ESRRG: variants seen among roughly 807,000 people sequenced by gnomAD.
ESRRG encodes estrogen related receptor gamma, also known as estrogen-related receptor gamma.
ESRRG carries 13 observed loss-of-function variants against 44.0 expected under a neutral mutation model. That is an observed-to-expected ratio of 0.30 (90% CI 0.19 to 0.47). The LOEUF is 0.47. Ranked by LOEUF, ESRRG falls within the 20% of genes least tolerant of loss-of-function variation. The probability of loss-of-function intolerance (pLI) is 1.00; values close to 1 mark genes in which losing one functional copy is unlikely to be tolerated. For synonymous variants in ESRRG, 215 were observed against 214.6 expected (o/e 1.00, Z -0.02); for missense variants, 395 against 580.6 (o/e 0.68, Z 3.29).
intron 1 of ESRRG, among the ~76,000 whole-genome samples, chr1:217,101,149 T>C (rs1481370439): frequency 2.0e-5 from 3 of 152,198 alleles, no homozygotes; most frequent in Non-Finnish European, 4.4e-5. Context: ...CCTCATGACT[T>C]CAACTTTTTC....
At chr1:217,049,965 T>C (rs1313960207) in intron 1 of ESRRG, among the ~76,000 whole-genome samples, 1 of 152,160 alleles carries the variant, frequency 6.6e-6, no homozygotes, top group East Asian at 1.9e-4. Context: ...ATAAGCAAAA[T>C]AAGTACATCT....
chr1:216,554,191 A>T (rs898650291), intron 5 of ESRRG, among the ~76,000 whole-genome samples: 7 of 152,006 alleles, frequency 4.6e-5, no homozygotes, highest in African/African-American at 1.7e-4. Flanking sequence ...GCAGTAGCTC[A>T]GCCTGTAATC....
chr1:216,809,410 G>A (rs2094901684), intron 2 of ESRRG, among the ~76,000 whole-genome samples: 1 of 151,014 alleles, frequency 6.6e-6, no homozygotes, highest in South Asian at 2.1e-4. Context: ...GGGGACAATA[G>A]CTAGCTCCAT....
chr1:216,665,950 A>G (rs1379469124), intron 2 of ESRRG, among the ~76,000 whole-genome samples: 1 of 152,214 alleles, frequency 6.6e-6, no homozygotes, highest in Non-Finnish European at 1.5e-5. Context: ...AACTTCTAAG[A>G]AATTGTCTAA....
chr1:216,672,639 A>C (rs947361145), intron 2 of ESRRG, among the ~76,000 whole-genome samples: 1 of 152,134 alleles, frequency 6.6e-6, no homozygotes, highest in African/African-American at 2.4e-5. Flanking sequence ...AGGCTGAGGC[A>C]GGAGGATCAT....
chr1:216,510,519 C>A (rs887230591), intron 6 of ESRRG, among the ~76,000 whole-genome samples: 15 of 148,284 alleles, frequency 1.0e-4, no homozygotes, highest in African/African-American at 4.0e-4. Flanking sequence ...TAAGACAGAG[C>A]CACTGAAAAA....
chr1:216,812,758 G>A (rs2148489112), intron 2 of ESRRG, among the ~76,000 whole-genome samples: 1 of 152,144 alleles, frequency 6.6e-6, no homozygotes, highest in African/African-American at 2.4e-5. Context: ...CATTACTACT[G>A]TGATCATATC....
At chr1:216,872,790 T>A (rs1033617983) in intron 2 of ESRRG, among the ~76,000 whole-genome samples, 1 of 152,196 alleles carries the variant, frequency 6.6e-6, no homozygotes, top group African/African-American at 2.4e-5. Context: ...AACATCTGTA[T>A]CTTCAAAACA....
At chr1:217,046,246 C>T (rs572635610) in intron 1 of ESRRG, among the ~76,000 whole-genome samples, 1 of 152,008 alleles carries the variant, frequency 6.6e-6, no homozygotes, top group African/African-American at 2.4e-5. Context: ...GGAGATACTT[C>T]CTAACTTTTA....
intron 2 of ESRRG, among the ~76,000 whole-genome samples, chr1:216,819,856 GAA>G (rs2095248766): frequency 6.6e-6 from 1 of 152,122 alleles, no homozygotes. Flanking sequence ...GACCCTAACA[GAA>G]AAGAGTACAC....
At chr1:217,094,669 G>C (rs2092397556) in intron 1 of ESRRG, among the ~76,000 whole-genome samples, 2 of 152,216 alleles carry the variant, frequency 1.3e-5, no homozygotes, top group Admixed American at 1.3e-4. Flanking sequence ...GTGGAGACAA[G>C]ATGTCAGGTC....
rs144764144 is a variant in ESRRG, at chr1:216,900,393, T to G, written c.-14+39189A>C. Among the ~76,000 whole-genome samples the G allele has an allele frequency of 1.0e-3, 159 of 152,312 alleles. 2 individuals are homozygous for G. The highest frequency in any genetic ancestry group is 3.6e-3 in the African/African-American group (151 of 41,572). On this transcript the variant is annotated intron_variant, in intron 2 of 7. Coordinates refer to the ESRRG transcript ENST00000359162. Reference sequence around the variant, plus strand: ...GCTTCCCCAGAAGCATGGAGGAAGATATCGCCCACTCATGTTGGTGTTCAG... The same window carrying G: ...GCTTCCCCAGAAGCATGGAGGAAGAGATCGCCCACTCATGTTGGTGTTCAG...
At chr1:216,924,617 A>ATATAAAAGT (rs1328112781) in intron 2 of ESRRG, among the ~76,000 whole-genome samples, 4 of 152,246 alleles carry the variant, frequency 2.6e-5, no homozygotes, top group Non-Finnish European at 5.9e-5. Context: ...GCCACATCTG[A>ATATAAAAGT]TATAAAAGTT....
At chr1:216,674,938 A>G (rs563451954) in intron 2 of ESRRG, among the ~76,000 whole-genome samples, 14 of 152,072 alleles carry the variant, frequency 9.2e-5, no homozygotes, top group African/African-American at 2.6e-4. Flanking sequence ...TTGTGTTCTC[A>G]TCAGCCACAG....
chr1:217,063,544 G>C (rs1432149477), intron 1 of ESRRG, among the ~76,000 whole-genome samples: 11 of 152,100 alleles, frequency 7.2e-5, no homozygotes, highest in African/African-American at 2.7e-4. Flanking sequence ...CATAAAAAAG[G>C]GCTGCTTATA....
rs114003595 is a variant in ESRRG, at chr1:216,971,465, C to T, written c.-105-31792G>A. On this transcript the variant is annotated intron_variant, in intron 1 of 7. Transcript: ENST00000359162. ...CACGGGCCATTCCAAAGGCAAAATTCGTAAAACAATATTCCCCTCTCTGAT... is the reference window on the plus strand; with the variant it reads ...CACGGGCCATTCCAAAGGCAAAATTTGTAAAACAATATTCCCCTCTCTGAT... 1.7e-3 allele frequency among the ~76,000 whole-genome samples: 261 copies of T among 152,218 alleles called. 2 individuals carry two copies. The highest frequency in any genetic ancestry group is 9.3e-3 in the South Asian group (45 of 4,818).
chr1:216,661,061 T>C (rs2151222354), intron 2 of ESRRG, among the ~76,000 whole-genome samples: 1 of 152,324 alleles, frequency 6.6e-6, no homozygotes, highest in Non-Finnish European at 1.5e-5. Flanking sequence ...GTGAAAATGA[T>C]GGAGAATATA....
intron 1 of ESRRG, among the ~76,000 whole-genome samples, chr1:216,701,135 TG>T (rs35570426): frequency 0.84 from 128,233 of 151,890 alleles, 54,163 homozygotes; most frequent in South Asian, 0.91. Context: ...TTGCGGAGTT[TG>T]GGGGGGGTAT....
chr1:216,540,399 A>T (rs2052353661), intron 5 of ESRRG, among the ~76,000 whole-genome samples: 1 of 152,016 alleles, frequency 6.6e-6, no homozygotes, highest in East Asian at 1.9e-4. Flanking sequence ...AAGACTAGAC[A>T]TGGCCATAGA....
Sources: allele counts gnomAD v4.1 joint callset (sites outside exome capture counted in the v4.1 genomes callset), GRCh38; gene constraint gnomAD v4.1.1; transcripts MANE v1.5; gene names NCBI Gene and HGNC (gene_info 2026-07-23, HGNC 2026-07-21).